The following KIAA1328 variants were observed in gnomAD, a reference collection of about 807,000 sequenced individuals.
The protein encoded by KIAA1328 is protein hinderin.
Under a neutral mutation model 68.1 loss-of-function variants are expected in KIAA1328, and 52 were observed. The ratio of observed to expected loss-of-function variants is 0.76; its 90% CI spans 0.61 to 0.96. The LOEUF (loss-of-function observed/expected upper bound fraction) is 0.96, where lower values mean the gene tolerates loss of function less well. Ranked by LOEUF, KIAA1328 falls within the 40% of genes least tolerant of loss-of-function variation. KIAA1328 has a pLI of 0.00. For synonymous variants in KIAA1328, 232 were observed against 239.4 expected (o/e 0.97, Z 0.28); for missense variants, 641 against 677.6 (o/e 0.95, Z 0.60).
intron 9 of KIAA1328, among the ~76,000 whole-genome samples, chr18:37,216,854 T>C (rs949190223): frequency 2.6e-5 from 4 of 152,002 alleles, no homozygotes; most frequent in African/African-American, 9.7e-5. Flanking sequence ...TAGCTCTTCC[T>C]GTTGAATTGA....
chr18:36,963,262 A>G (rs992861971), intron 6 of KIAA1328, among the ~76,000 whole-genome samples: 1 of 152,138 alleles, frequency 6.6e-6, no homozygotes, highest in Non-Finnish European at 1.5e-5. Flanking sequence ...TTCAGGGGGT[A>G]AGAGAAAATG....
In KIAA1328 at chr18:36,885,633, T is replaced by C. The variant is rs1213565252; in HGVS notation, c.409T>C (p.Leu137=). 1 of 1,600,002 alleles carries C rather than the reference T, an allele frequency of 6.2e-7. No homozygotes were observed. The highest frequency in any genetic ancestry group is 8.5e-7 in the Non-Finnish European group (1 of 1,172,900). Residue 137 remains leucine, a synonymous_variant, in exon 5 of 10, where the codon TTG becomes CTG. Transcript: ENST00000280020. ...GTCATTTGAGAAGAAGATCAGGCAG[T>C]TGGAAGAACAGAATGAACTGATCAT... The part of the protein sequence containing the change: ...QESFEKKIRQ[L]EEQNELIIKE...
Position 36,911,591 on chromosome 18 carries a change from G to T in KIAA1328, c.448+25919G>T, listed in dbSNP as rs1172087318. Among the ~76,000 whole-genome samples the T allele has an allele frequency of 7.9e-5, 12 of 152,180 alleles. No homozygotes were observed. In the East Asian group the frequency reaches 2.3e-3, roughly 29 times the overall value. On this transcript the variant is annotated intron_variant, in intron 5 of 9. Transcript: ENST00000280020. The stretch of plus-strand genomic sequence containing the variant: ...TACTTTCTTACAGAGTAAGCCATCT[G>T]CTTTCTAAAGCATTGAGACAAGAAA...
intron 4 of KIAA1328, among the ~76,000 whole-genome samples, chr18:36,845,045 TTAAAG>T (rs752696144): frequency 6.6e-6 from 1 of 151,792 alleles, no homozygotes; most frequent in Non-Finnish European, 1.5e-5. Context: ...TGTTGAAGCC[TTAAAG>T]TAAAGTTTGT....
Position 37,098,689 on chromosome 18 carries a change from G to A in KIAA1328, c.1232+31144G>A, listed in dbSNP as rs188122416. Reference sequence around the variant, plus strand: ...TGTACCTCTGGTAGAATTCGGCTGTGAATCCGTCTGGTCCTGGACTTTTTT... The same window carrying A: ...TGTACCTCTGGTAGAATTCGGCTGTAAATCCGTCTGGTCCTGGACTTTTTT... On this transcript the variant is annotated intron_variant, in intron 7 of 9. Transcript: ENST00000280020. Among the ~76,000 whole-genome samples, 794 of 152,254 alleles carry A rather than the reference G, an allele frequency of 5.2e-3. 10 individuals carry two copies. The highest frequency in any genetic ancestry group is 0.018 in the African/African-American group (740 of 41,534).
At chr18:36,858,763 T>TGGGACGAATTCCA (rs2047461491) in intron 4 of KIAA1328, among the ~76,000 whole-genome samples, 1 of 152,238 alleles carries the variant, frequency 6.6e-6, no homozygotes, top group Admixed American at 6.5e-5. Flanking sequence ...ACTGGGTTTT[T>TGGGACGAATTCCA]GGGACGAATT....
chr18:37,066,864 A>T, intron 6 of KIAA1328, 26 bp from the exon 7 acceptor site: 1 of 1,522,924 alleles, frequency 6.6e-7, no homozygotes, highest in East Asian at 2.3e-5. Context: ...TTCTTATTTG[A>T]CAGGTGATCT....
chr18:37,084,585 A>T (rs1365034328), intron 7 of KIAA1328, among the ~76,000 whole-genome samples: 1 of 127,304 alleles, frequency 7.9e-6, no homozygotes, highest in African/African-American at 4.1e-5. Flanking sequence ...TTCTGATCTT[A>T]TTAAATACTC....
At chr18:37,072,006 G>A (rs938920328) in intron 7 of KIAA1328, among the ~76,000 whole-genome samples, 1 of 152,080 alleles carries the variant, frequency 6.6e-6, no homozygotes, top group African/African-American at 2.4e-5. Flanking sequence ...ATAAAATATT[G>A]TAAGTTTTGC....
chr18:37,224,506 C>T lies in KIAA1328; in HGVS notation c.*2279C>T. The T allele has an allele frequency of 1.0e-6, 1 of 985,106 alleles. No individual in the cohort carries two copies. Among genetic ancestry groups the T allele is most frequent in the Non-Finnish European group, 1.2e-6 (1 of 829,698 alleles). 61.0% of individuals were successfully genotyped at this position (985,106 alleles called of 1,614,324 possible). ...AATGGACATTTTGTTGGTGTTGGTG[C>T]AAGGGCAATAGGATGTAAATTTGTA... On this transcript the variant is annotated 3_prime_UTR_variant, in exon 10 of 10. Coordinates refer to ENST00000280020, the MANE Select transcript of KIAA1328 (RefSeq NM_020776.3).
intron 6 of KIAA1328, among the ~76,000 whole-genome samples, chr18:36,995,030 A>G (rs573976513): frequency 7.9e-5 from 12 of 152,230 alleles, no homozygotes; most frequent in African/African-American, 2.6e-4. Context: ...ATAGGTATAC[A>G]CATGCCCTGG....
intron 5 of KIAA1328, among the ~76,000 whole-genome samples, chr18:36,911,962 G>A (rs2049469472): frequency 6.6e-6 from 1 of 151,656 alleles, no homozygotes; most frequent in Non-Finnish European, 1.5e-5. Flanking sequence ...AGCAATTTTT[G>A]AAGGCTTTAC....
At chr18:37,199,295 A>G (rs556073437) in intron 9 of KIAA1328, among the ~76,000 whole-genome samples, 2 of 151,858 alleles carry the variant, frequency 1.3e-5, no homozygotes, top group Non-Finnish European at 2.9e-5. Context: ...GTTCCCCTCT[A>G]TGTGTCCATG....
intron 2 of KIAA1328, among the ~76,000 whole-genome samples, chr18:36,834,863 T>C (rs757418983): frequency 6.6e-5 from 10 of 152,188 alleles, no homozygotes; most frequent in South Asian, 2.1e-4. Flanking sequence ...ATATTTACAG[T>C]ACCCTTTACA....
At chr18:36,955,314 C>CTTT (rs60361116) in intron 5 of KIAA1328, among the ~76,000 whole-genome samples, 1 of 129,098 alleles carries the variant, frequency 7.7e-6, no homozygotes, top group East Asian at 2.3e-4. Context: ...TTTTTCTTTT[C>CTTT]TTTTTTTTTT....
intron 7 of KIAA1328, among the ~76,000 whole-genome samples, chr18:37,100,060 A>G (rs961403003): frequency 1.3e-5 from 2 of 152,154 alleles, no homozygotes; most frequent in South Asian, 4.1e-4. Context: ...TAATTGGAGC[A>G]TTTAGCCCTC....
At chr18:37,098,485 A>G (rs2057486248) in intron 7 of KIAA1328, among the ~76,000 whole-genome samples, 1 of 152,184 alleles carries the variant, frequency 6.6e-6, no homozygotes, top group Non-Finnish European at 1.5e-5. Flanking sequence ...CCAGTATTTT[A>G]TTGAGGATTT....
intron 9 of KIAA1328, 122 bp from the exon 10 acceptor site, chr18:37,221,895 T>G: frequency 1.0e-6 from 1 of 981,922 alleles, no homozygotes; most frequent in Non-Finnish European, 1.5e-6. Flanking sequence ...TTAAGCATCA[T>G]CTTATGCATG....
intron 6 of KIAA1328, among the ~76,000 whole-genome samples, chr18:37,028,603 G>C (rs1164598663): frequency 6.6e-6 from 1 of 151,746 alleles, no homozygotes; most frequent in Non-Finnish European, 1.5e-5. Context: ...GTCTTGTTCT[G>C]GTTTGCAAGG....
Sources: allele counts gnomAD v4.1 joint callset (sites outside exome capture counted in the v4.1 genomes callset), GRCh38; gene constraint gnomAD v4.1.1; transcripts MANE v1.5; gene names NCBI Gene and HGNC (gene_info 2026-07-23, HGNC 2026-07-21).